Variants in SNRPD3 observed in about 807,000 individuals in gnomAD.
SNRPD3 encodes the protein small nuclear ribonucleoprotein Sm D3.
For missense variants in SNRPD3, 73 were observed against 167.5 expected, an observed-to-expected ratio of 0.44 and a Z score of 3.11; for synonymous variants, 66 against 58.4, an observed-to-expected ratio of 1.13 and a Z score of -0.59.
At position 24,560,715 on chromosome 22, in the gene SNRPD3, C is replaced by CTTTT. The variant is rs59348518; in HGVS notation, c.126+2942_126+2945dup. On this transcript the variant is annotated intron_variant, in intron 2 of 3. Transcript: ENST00000215829. The stretch of plus-strand genomic sequence containing the variant: ...ACAGGCGTGAGCCACTGCACCTGGC[C>CTTTT]TTTTTTTTTTTTTTTTTTTTTTTTT... 4.0e-5 allele frequency among the ~76,000 whole-genome samples: 4 copies of CTTTT among 98,846 alleles called. 1 individual carries two copies. The highest frequency in any genetic ancestry group is 1.8e-4 in the African/African-American group (4 of 22,370). 64.8% of individuals were successfully genotyped at this position (98,846 alleles called of 152,430 possible).
In SNRPD3 at chr22:24,568,022, G is replaced by A; in HGVS notation, c.165G>A (p.Val55=). The change falls in exon 3 of 4, where the codon GTG becomes GTA. Residue 55 remains valine, a synonymous_variant. Coordinates refer to ENST00000215829, the MANE Select transcript of SNRPD3 (RefSeq NM_004175.5). ...NITVTYRDGR[V]AQLEQVYIRG... The stretch of plus-strand genomic sequence containing the variant: ...CAGTCACATACAGAGATGGCCGAGT[G>A]GCACAGCTGGAGCAGGTATACATCC... 1 of 1,611,676 alleles carries A rather than the reference G, an allele frequency of 6.2e-7. No homozygotes were observed. Among genetic ancestry groups the A allele is most frequent in the Non-Finnish European group, 8.5e-7 (1 of 1,179,102 alleles).
At chr22:24,570,124 C>T (rs1314243191) in intron 3 of SNRPD3, among the ~76,000 whole-genome samples, 1 of 152,342 alleles carries the variant, frequency 6.6e-6, no homozygotes, top group East Asian at 1.9e-4. Context: ...TGTCCAGATT[C>T]TTTTTGGCCT....
In SNRPD3 at chr22:24,560,320, C is replaced by T. The variant is rs185923761; in HGVS notation, c.126+2520C>T. On this transcript the variant is annotated intron_variant, in intron 2 of 3. Coordinates refer to ENST00000215829, the MANE Select transcript of SNRPD3 (RefSeq NM_004175.5). ...TTATATTTTTAGTAGAGACAGGTTT[C>T]ACCATATTGGCCAGGCTGGTCTCGA... 5.6e-3 allele frequency among the ~76,000 whole-genome samples: 848 copies of T among 151,278 alleles called. 10 individuals carry two copies. Among genetic ancestry groups the T allele is most frequent in the African/African-American group, 0.019 (779 of 41,196 alleles).
Position 24,570,835 on chromosome 22 carries a change from T to C in SNRPD3, c.320-1081T>C, listed in dbSNP as rs573662048. 7.5e-3 allele frequency among the ~76,000 whole-genome samples: 1,039 copies of C among 138,216 alleles called. 2 individuals are homozygous for C. The highest frequency in any genetic ancestry group is 0.019 in the South Asian group (81 of 4,294). The allele number at this position is 138,216 out of a possible 152,430, so 90.7% of individuals were successfully genotyped here. ...TAATTCTTTTTTTTTTTTTTTTTTT[T>C]TGGAGACTGAGTCTCCATCACCCAG... On this transcript the variant is annotated intron_variant, in intron 3 of 3. Coordinates refer to ENST00000215829, the MANE Select transcript of SNRPD3 (RefSeq NM_004175.5).
chr22:24,568,244 T>C, intron 3 of SNRPD3, 68 bp downstream of exon 3: 1 of 1,234,802 alleles, frequency 8.1e-7, no homozygotes, highest in Non-Finnish European at 1.2e-6. Flanking sequence ...AGGGGCCCTA[T>C]TACTGCCTGG....
intron 2 of SNRPD3, among the ~76,000 whole-genome samples, chr22:24,565,832 T>C (rs961806164): frequency 1.3e-5 from 2 of 152,068 alleles, no homozygotes; most frequent in Admixed American, 6.6e-5. Flanking sequence ...GGCTAATTTT[T>C]GTATTTTTAG....
In SNRPD3 at chr22:24,572,138, TTTG is replaced by T. The variant is rs2045256141; in HGVS notation, c.*164_*166del. ...AAATCTGGGGGGTTTTTTGTTCTGT[TTTG>T]TTTTGTTTTCTTTGAGAAAATAAGG... On this transcript the variant is annotated 3_prime_UTR_variant, in exon 4 of 4. Coordinates refer to ENST00000215829, the MANE Select transcript of SNRPD3 (RefSeq NM_004175.5). The T allele has an allele frequency of 7.2e-7, 1 of 1,381,794 alleles. No individual in the cohort carries two copies. Among genetic ancestry groups the T allele is most frequent in the African/African-American group, 1.5e-5 (1 of 68,654 alleles). 85.6% of individuals were successfully genotyped at this position (1,381,794 alleles called of 1,614,324 possible).
intron 2 of SNRPD3, among the ~76,000 whole-genome samples, chr22:24,564,814 T>A (rs2045180021): frequency 6.6e-6 from 1 of 152,164 alleles, no homozygotes; most frequent in East Asian, 1.9e-4. Flanking sequence ...TCAATCAGAT[T>A]TAGCATGTAC....
In SNRPD3 at chr22:24,573,942, A is replaced by C. The variant is rs529932687; in HGVS notation, c.*1965A>C. 2.0e-5 allele frequency among the ~76,000 whole-genome samples: 3 copies of C among 152,360 alleles called. No individual in the cohort carries two copies. Among genetic ancestry groups the C allele is most frequent in the Non-Finnish European group, 2.9e-5 (2 of 68,036 alleles). On this transcript the variant is annotated 3_prime_UTR_variant, in exon 4 of 4. Coordinates refer to ENST00000215829, the MANE Select transcript of SNRPD3 (RefSeq NM_004175.5). ...CAACTAAGGATCTTATTAGAAATGA[A>C]GACTGCAAGCCGCACACCTGGAGTG...
At position 24,560,715 on chromosome 22, in the gene SNRPD3, CTT is replaced by C. The variant is rs59348518; in HGVS notation, c.126+2944_126+2945del. ...ACAGGCGTGAGCCACTGCACCTGGC[CTT>C]TTTTTTTTTTTTTTTTTTTTTTTTT... On this transcript the variant is annotated intron_variant, in intron 2 of 3. Transcript: ENST00000215829. Among the ~76,000 whole-genome samples, 96 of 98,746 alleles carry C rather than the reference CTT, an allele frequency of 9.7e-4. 2 individuals carry two copies. Among genetic ancestry groups the C allele is most frequent in the African/African-American group, 3.5e-3 (79 of 22,284 alleles). The allele number at this position is 98,746 out of a possible 152,430, so 64.8% of individuals were successfully genotyped here.
chr22:24,563,232 GTGTGTGTGTGTA>G (rs1240427558), intron 2 of SNRPD3, among the ~76,000 whole-genome samples: 2 of 134,858 alleles, frequency 1.5e-5, no homozygotes, highest in African/African-American at 5.8e-5. Flanking sequence ...GTGTGTGTGT[GTGTGTGTGTGTA>G]TGTGTGTATG....
rs948064954 is a variant in SNRPD3, at chr22:24,572,534, G to A, written c.*557G>A. On this transcript the variant is annotated 3_prime_UTR_variant, in exon 4 of 4. Coordinates refer to ENST00000215829, the MANE Select transcript of SNRPD3 (RefSeq NM_004175.5). ...TCCCAGCACTTTGGGAGGCCAAGGCGGGCGGATCACGAGGTCAGGAGTTCG... is the reference window on the plus strand; with the variant it reads ...TCCCAGCACTTTGGGAGGCCAAGGCAGGCGGATCACGAGGTCAGGAGTTCG... 6 of 188,790 alleles carry A rather than the reference G, an allele frequency of 3.2e-5. No homozygotes were observed. The highest frequency in any genetic ancestry group is 3.0e-4 in the East Asian group (2 of 6,778). The allele number at this position is 188,790 out of a possible 1,614,324, so 11.7% of individuals were successfully genotyped here.
At chr22:24,559,499 T>TG (rs1280559675) in intron 2 of SNRPD3, among the ~76,000 whole-genome samples, 1 of 152,192 alleles carries the variant, frequency 6.6e-6, no homozygotes, top group Non-Finnish European at 1.5e-5. Flanking sequence ...CCAGGGCCTT[T>TG]GTCATCCCAT....
In SNRPD3 at chr22:24,556,098, G is replaced by A. The variant is rs951672633; in HGVS notation, c.-19+27G>A. 7 of 566,834 alleles carry A rather than the reference G, an allele frequency of 1.2e-5. No homozygotes were observed. In the African/African-American group the frequency reaches 1.3e-4, roughly 11 times the overall value. The allele number at this position is 566,834 out of a possible 1,614,324, so 35.1% of individuals were successfully genotyped here. A position where few individuals can be genotyped will look rare whatever the true frequency, so the allele number is the denominator to read the frequency against. Reference sequence around the variant, plus strand: ...TGAGGCTGGGGACGGGCGAGGGGAGGTCGAGGCGCCTGTGAGGGGCCAGGG... The same window carrying A: ...TGAGGCTGGGGACGGGCGAGGGGAGATCGAGGCGCCTGTGAGGGGCCAGGG... On this transcript the variant is annotated intron_variant, in intron 1 of 3. Coordinates refer to ENST00000215829, the MANE Select transcript of SNRPD3 (RefSeq NM_004175.5).
chr22:24,564,104 A>G (rs2045173469), intron 2 of SNRPD3, among the ~76,000 whole-genome samples: 1 of 152,174 alleles, frequency 6.6e-6, no homozygotes, highest in Non-Finnish European at 1.5e-5. Flanking sequence ...TCCTAAGAAC[A>G]AAGATAGGTA....
At chr22:24,557,596 G>A (rs1173720994) in intron 1 of SNRPD3, 61 bp from the exon 2 acceptor site, 1 of 1,221,332 alleles carries the variant, frequency 8.2e-7, no homozygotes, top group Non-Finnish European at 1.2e-6. Flanking sequence ...GAAGCATGAT[G>A]TGTGCCACAT....
At chr22:24,561,172 A>G (rs1417979653) in intron 2 of SNRPD3, among the ~76,000 whole-genome samples, 1 of 145,052 alleles carries the variant, frequency 6.9e-6, no homozygotes, top group Non-Finnish European at 1.5e-5. Flanking sequence ...TTCTGGGCTC[A>G]AGAGATCTTT....
chr22:24,562,045 A>G (rs1361447253), intron 2 of SNRPD3, among the ~76,000 whole-genome samples: 1 of 152,054 alleles, frequency 6.6e-6, no homozygotes, highest in African/African-American at 2.4e-5. Flanking sequence ...AAAGATAAAT[A>G]GAGGATCTCA....
intron 2 of SNRPD3, among the ~76,000 whole-genome samples, chr22:24,561,064 C>CTTTTTTTTTTTT (rs1164120857): frequency 0.012 from 727 of 61,418 alleles, 2 homozygotes; most frequent in Middle Eastern, 0.024. Flanking sequence ...TTTTTCTTTT[C>CTTTTTTTTTTTT]TTTTTTTTTT....
Sources: gnomAD v4.1 joint callset for allele counts (sites outside exome capture counted in the v4.1 genomes callset) on GRCh38, gnomAD v4.1.1 for gene constraint, MANE v1.5 for transcripts, NCBI Gene and HGNC (gene_info 2026-07-23, HGNC 2026-07-21) for gene names.